Variants in RYR2 observed in about 807,000 individuals in gnomAD.
The protein encoded by RYR2 is cardiac muscle ryanodine receptor-calcium release channel.
Under a neutral mutation model 601.1 loss-of-function variants are expected in RYR2, and 227 were observed. That is an observed-to-expected ratio of 0.38 (90% CI 0.34 to 0.42). The LOEUF (loss-of-function observed/expected upper bound fraction) is 0.42, where lower values mean the gene tolerates loss of function less well. Among genes scored for constraint, RYR2 ranks in the 10% least tolerant of loss-of-function variants. The pLI is 1.00. For missense variants in RYR2, 4,646 were observed against 6,156.5 expected, an observed-to-expected ratio of 0.75 and a Z score of 8.21; for synonymous variants, 2,223 against 2,175.1, an observed-to-expected ratio of 1.02 and a Z score of -0.61.
chr1:237,635,561 C>A (rs1206106790), intron 44 of RYR2, among the ~76,000 whole-genome samples: 1 of 152,174 alleles, frequency 6.6e-6, no homozygotes, highest in Non-Finnish European at 1.5e-5. Flanking sequence ...GAAACTTTCC[C>A]TGTATTGTAG....
At chr1:237,814,015 C>A (rs115256600) in intron 100 of RYR2, among the ~76,000 whole-genome samples, 2 of 152,276 alleles carry the variant, frequency 1.3e-5, no homozygotes, top group African/African-American at 2.4e-5. Context: ...GCATTACACA[C>A]GCTCATATCC....
chr1:237,798,001 T>TGTA (rs1212066380), intron 96 of RYR2, 36 bp from the exon 97 acceptor site: 4 of 1,585,996 alleles, frequency 2.5e-6, no homozygotes, highest in Non-Finnish European at 3.4e-6. Context: ...TACTTAATGG[T>TGTA]TGAAGCCAAC....
At chr1:237,208,936 G>GTGTGTATATA (rs1418847642) in intron 1 of RYR2, among the ~76,000 whole-genome samples, 105 of 89,816 alleles carry the variant, frequency 1.2e-3, no homozygotes, top group Non-Finnish European at 1.7e-3. Flanking sequence ...ATGTGTGTGT[G>GTGTGTATATA]TATATATATA....
intron 1 of RYR2, among the ~76,000 whole-genome samples, chr1:237,049,885 C>T (rs1434682850): frequency 2.0e-5 from 3 of 152,214 alleles, no homozygotes; most frequent in African/African-American, 7.2e-5. Flanking sequence ...CCGTGAAGTA[C>T]TTCTCTGGCT....
rs2149355086 is a variant in RYR2 at position 237,784,462 on chromosome 1, C to T, written c.12750C>T (p.Tyr4250=). ...TVRSALFALR[Y]NILTLMRMLS... is the part of the protein sequence containing the mutation. Reference sequence around the variant, plus strand: ...GGTCGGCCCTGTTTGCGCTCAGGTACAATATCTTGACCCTTATGCGAATGC... The same window carrying T: ...GGTCGGCCCTGTTTGCGCTCAGGTATAATATCTTGACCCTTATGCGAATGC... The change falls in exon 90 of 105, where the codon TAC becomes TAT. Residue 4250 remains tyrosine (Y), a synonymous_variant. Coordinates refer to ENST00000366574, the MANE Select transcript of RYR2 (RefSeq NM_001035.3). This position sits in a 1 kb window ranked among gnomAD's most constrained non-coding sequence, Gnocchi z 7.1. 6.2e-7 allele frequency: 1 copy of T among 1,613,550 alleles called. No homozygotes were observed. The highest frequency in any genetic ancestry group is 8.5e-7 in the Non-Finnish European group (1 of 1,179,740).
At chr1:237,127,789 C>T (rs1339903422) in intron 1 of RYR2, among the ~76,000 whole-genome samples, 6 of 150,886 alleles carry the variant, frequency 4.0e-5, no homozygotes, top group African/African-American at 9.8e-5. Context: ...AGACAATGGG[C>T]GGCCGGGCAG....
chr1:237,112,522 AGGCAG>A (rs1457228534), intron 1 of RYR2, among the ~76,000 whole-genome samples: 1 of 149,944 alleles, frequency 6.7e-6, no homozygotes, highest in East Asian at 2.0e-4. Flanking sequence ...GCTACCCTTT[AGGCAG>A]GGAGGAGAAC....
At chr1:237,573,252 ACACACG>A (rs1384243278) in intron 29 of RYR2, among the ~76,000 whole-genome samples, 3 of 137,890 alleles carry the variant, frequency 2.2e-5, no homozygotes, top group Admixed American at 7.5e-5. Context: ...ACACACACAC[ACACACG>A]CATACATATG....
intron 31 of RYR2, among the ~76,000 whole-genome samples, chr1:237,591,209 C>A (rs1429607530): frequency 1.4e-5 from 1 of 72,164 alleles, no homozygotes; most frequent in African/African-American, 5.1e-5. Flanking sequence ...TCCTCCTCCC[C>A]CTTCTCCTCC....
intron 1 of RYR2, among the ~76,000 whole-genome samples, chr1:237,266,974 A>G (rs888916176): frequency 6.6e-6 from 1 of 152,316 alleles, no homozygotes; most frequent in Admixed American, 6.5e-5. Context: ...CCATCATACA[A>G]TGTTAAGGGA....
At chr1:237,423,814 A>G (rs1457244427) in intron 12 of RYR2, among the ~76,000 whole-genome samples, 2 of 152,176 alleles carry the variant, frequency 1.3e-5, no homozygotes, top group Admixed American at 6.5e-5. Flanking sequence ...GATAATTGCT[A>G]TATTCGTCCA....
chr1:237,700,548 T>A, intron 65 of RYR2, 81 bp downstream of exon 65: 1 of 694,040 alleles, frequency 1.4e-6, no homozygotes, highest in South Asian at 1.9e-5. Flanking sequence ...AATAGCCACA[T>A]CTGGGTTACT....
intron 31 of RYR2, among the ~76,000 whole-genome samples, chr1:237,591,266 A>C (rs1163224691): frequency 6.7e-6 from 1 of 149,322 alleles, no homozygotes; most frequent in Non-Finnish European, 1.5e-5. Flanking sequence ...TGTAGGGAAA[A>C]ATTAAGCAAC....
Position 237,731,927 on chromosome 1 carries a change from CAG to C in RYR2, c.10936-118_10936-117del, listed in dbSNP as rs1395182738. ...ACACACACACACACACACCCCACAA[CAG>C]GGAAGGAGGAACGTTCGCATTCCTT... On this transcript the variant is annotated intron_variant, in intron 77 of 104. Coordinates refer to ENST00000366574, the MANE Select transcript of RYR2 (RefSeq NM_001035.3). 8.1e-6 allele frequency: 5 copies of C among 620,352 alleles called. No homozygotes were observed. The East Asian group carries it at 1.1e-4, about 14-fold the overall frequency. 38.4% of individuals were successfully genotyped at this position (620,352 alleles called of 1,614,324 possible). A position where few individuals can be genotyped will look rare whatever the true frequency, so the allele number is the denominator to read the frequency against.
chr1:237,577,091 A>G (rs1256006885), intron 29 of RYR2, among the ~76,000 whole-genome samples: 1 of 152,188 alleles, frequency 6.6e-6, no homozygotes. Context: ...CCCATGACCC[A>G]GAAATTCTAC....
intron 1 of RYR2, among the ~76,000 whole-genome samples, chr1:237,145,070 G>T (rs1673844378): frequency 6.6e-6 from 1 of 152,036 alleles, no homozygotes; most frequent in Non-Finnish European, 1.5e-5. Context: ...GCCTGTCGGG[G>T]GGTTGGGGGA....
intron 57 of RYR2, among the ~76,000 whole-genome samples, chr1:237,667,330 T>C (rs1364401234): frequency 6.6e-6 from 1 of 152,188 alleles, no homozygotes; most frequent in Non-Finnish European, 1.5e-5. Context: ...CATTTGTTAT[T>C]GCTCCCATAT....
chr1:237,483,222 C>A (rs115064837), intron 17 of RYR2, among the ~76,000 whole-genome samples: 3 of 152,170 alleles, frequency 2.0e-5, no homozygotes, highest in East Asian at 1.9e-4. Flanking sequence ...CTACCTCTTA[C>A]GACTATCATC....
At position 237,409,005 on chromosome 1, in the gene RYR2, G is replaced by A. The variant is rs369683145; in HGVS notation, c.774-8044G>A. ...TGGTATAGAAGAAATTGATTTTTGT[G>A]TATTAATGTCCTGAAACTTTCCTAT... On this transcript the variant is annotated intron_variant, in intron 10 of 104. Transcript: ENST00000366574. 4.6e-5 allele frequency among the ~76,000 whole-genome samples: 7 copies of A among 152,040 alleles called. No individual in the cohort carries two copies. The East Asian group carries it at 1.2e-3, about 25-fold the overall frequency.
Sources: allele counts gnomAD v4.1 joint callset (sites outside exome capture counted in the v4.1 genomes callset), GRCh38; gene constraint gnomAD v4.1.1; non-coding constraint Gnocchi (gnomAD v3.1); transcripts MANE v1.5; gene names NCBI Gene and HGNC (gene_info 2026-07-23, HGNC 2026-07-21).